Variants in COL4A6 observed in about 807,000 individuals in gnomAD.
The protein encoded by COL4A6 is collagen type IV alpha 6 chain.
COL4A6 carries 59 observed loss-of-function variants against 126.7 expected under a neutral mutation model. The observed-to-expected ratio is 0.47, with a 90% CI of 0.38 to 0.58. The LOEUF (loss-of-function observed/expected upper bound fraction) is 0.58. Among genes scored for constraint, COL4A6 ranks in the 20% least tolerant of loss-of-function variants. COL4A6 has a pLI of 0.00. For missense variants in COL4A6, 1,285 were observed against 1,337.3 expected, an observed-to-expected ratio of 0.96 and a Z score of 0.61; for synonymous variants, 547 against 496.6, an observed-to-expected ratio of 1.10 and a Z score of -1.35.
At chrX:108,264,651 G>T (rs959167677) in intron 3 of COL4A6, among the ~76,000 whole-genome samples, 3 of 111,550 alleles carry the variant, frequency 2.7e-5, no homozygotes, top group Admixed American at 9.5e-5. Context: ...AAAGAACATG[G>T]TTTTTTTCTT....
chrX:108,276,825 T>C (rs1010715487), intron 3 of COL4A6, among the ~76,000 whole-genome samples: 5 of 112,072 alleles, frequency 4.5e-5, no homozygotes, highest in Non-Finnish European at 7.5e-5. Flanking sequence ...AGAATCAGGA[T>C]ACTGAGGATT....
At chrX:108,221,433 A>C in intron 3 of COL4A6, 59 bp from the exon 4 acceptor site, 66 of 1,132,541 alleles carry the variant, frequency 5.8e-5, no homozygotes, top group Non-Finnish European at 7.5e-5. Flanking sequence ...AATACTTCTC[A>C]TTTTCCCACG....
In COL4A6 at chrX:108,377,941, C is replaced by CAA. The variant is rs745969449; in HGVS notation, c.63+59999_63+60000dup. Among the ~76,000 whole-genome samples the CAA allele has an allele frequency of 6.9e-3, 50 of 7,242 alleles. 12 individuals are homozygous for CAA. Among genetic ancestry groups the CAA allele is most frequent in the Admixed American group, 6.0e-3 (3 of 496 alleles). 6.3% of individuals were successfully genotyped at this position (7,242 alleles called of 115,157 possible). A position where few individuals can be genotyped will look rare whatever the true frequency, so the allele number is the denominator to read the frequency against. ...TGGGCGACAGAGCAAGACTCCGTCT[C>CAA]AAAAAAAAAAAAAAAAAAAAAAAAA... On this transcript the variant is annotated intron_variant, in intron 2 of 44. Coordinates refer to ENST00000334504, the MANE Select transcript of COL4A6 (RefSeq NM_033641.4).
intron 42 of COL4A6, 34 bp downstream of exon 42, chrX:108,161,585 G>GT (rs1569321734): frequency 4.1e-6 from 1 of 241,532 alleles, no homozygotes; most frequent in Admixed American, 5.8e-5. Flanking sequence ...CACCATCCCC[G>GT]CCCCGCCCGC....
chrX:108,172,479 T>C lies in COL4A6; in HGVS notation c.3192A>G (p.Pro1064=), dbSNP rs149715446. The stretch of plus-strand genomic sequence containing the variant: ...AAAAATGCTCCTTACCTTTCAGGCC[T>C]GGGAGACCAGATGCTCCTGGGAGTC... ...SPGLPGASGL[P]GLKGDNGQTV... Residue 1064 remains proline, a synonymous_variant, in exon 32 of 45, where the codon CCA becomes CCG. Transcript: ENST00000334504. The C allele has an allele frequency of 4.2e-4, 501 of 1,198,603 alleles. No individual in the cohort carries two copies. The African/African-American group carries it at 4.4e-3, about 10-fold the overall frequency.
At chrX:108,248,684 A>G (rs775089445) in intron 3 of COL4A6, among the ~76,000 whole-genome samples, 35 of 111,123 alleles carry the variant, frequency 3.1e-4, no homozygotes, top group Non-Finnish European at 9.4e-5. Flanking sequence ...AAGCTCATTA[A>G]AAGAAGACAT....
chrX:108,238,297 G>A (rs1289051384), intron 3 of COL4A6, among the ~76,000 whole-genome samples: 12 of 108,846 alleles, frequency 1.1e-4, no homozygotes, highest in African/African-American at 3.7e-4. Context: ...GTAGAGATGG[G>A]GGGGTTTCAC....
intron 2 of COL4A6, among the ~76,000 whole-genome samples, chrX:108,348,527 T>C (rs1341535555): frequency 8.9e-6 from 1 of 112,404 alleles, no homozygotes; most frequent in Admixed American, 9.4e-5. Context: ...ATATGTGTTC[T>C]TTGGGTCATT....
At chrX:108,383,574 C>G (rs943292310) in intron 2 of COL4A6, 1 of 477,789 alleles carries the variant, frequency 2.1e-6, no homozygotes, top group Non-Finnish European at 3.7e-6. Flanking sequence ...GCAACGAATG[C>G]GAGGCGAATA....
chrX:108,211,905 G>A (rs771753753), intron 6 of COL4A6, among the ~76,000 whole-genome samples, 165 bp from the exon 7 acceptor site: 21 of 112,057 alleles, frequency 1.9e-4, no homozygotes, highest in Admixed American at 1.0e-3. Flanking sequence ...CCTTGACCGG[G>A]TGCTCTGATT....
chrX:108,212,573 A>G (rs2035742957), intron 6 of COL4A6, among the ~76,000 whole-genome samples: 1 of 111,918 alleles, frequency 8.9e-6, no homozygotes, highest in Non-Finnish European at 1.9e-5. Context: ...TGAAGCATTT[A>G]TTGAATGATT....
At chrX:108,313,243 C>T (rs749536658) in intron 2 of COL4A6, among the ~76,000 whole-genome samples, 31 of 111,382 alleles carry the variant, frequency 2.8e-4, no homozygotes, top group Admixed American at 2.4e-3. Flanking sequence ...GGACACTCCA[C>T]CCCCTGCTTG....
intron 23 of COL4A6, among the ~76,000 whole-genome samples, chrX:108,181,234 T>G (rs1004804117): frequency 1.1e-4 from 12 of 112,443 alleles, no homozygotes; most frequent in African/African-American, 3.9e-4. Context: ...AACAGTCACC[T>G]ATGCAGCAGA....
intron 2 of COL4A6, among the ~76,000 whole-genome samples, chrX:108,343,533 TG>T (rs1178133791): frequency 9.1e-6 from 1 of 110,473 alleles, no homozygotes; most frequent in Non-Finnish European, 1.9e-5. Flanking sequence ...CATAGAGGCA[TG>T]TAAGTTTGGA....
intron 3 of COL4A6, among the ~76,000 whole-genome samples, chrX:108,303,102 T>G (rs1402231087): frequency 9.2e-6 from 1 of 108,649 alleles, no homozygotes; most frequent in African/African-American, 3.4e-5. Context: ...TCCTCCCTGC[T>G]ATCCTGCTGC....
intron 2 of COL4A6, among the ~76,000 whole-genome samples, chrX:108,369,139 C>T (rs763657218): frequency 9.0e-6 from 1 of 111,418 alleles, no homozygotes; most frequent in African/African-American, 3.3e-5. Context: ...TTTGTTTACA[C>T]CAACATCATG....
intron 23 of COL4A6, among the ~76,000 whole-genome samples, chrX:108,184,575 C>T (rs1443145472): frequency 8.9e-6 from 1 of 112,283 alleles, no homozygotes; most frequent in Non-Finnish European, 1.9e-5. Flanking sequence ...CTGCTTTCCA[C>T]AATGAGTTGA....
At chrX:108,256,494 G>A (rs1343525743) in intron 3 of COL4A6, among the ~76,000 whole-genome samples, 1 of 111,426 alleles carries the variant, frequency 9.0e-6, no homozygotes, top group Non-Finnish European at 1.9e-5. Flanking sequence ...CTATTTTATA[G>A]ATGAGGCAAC....
At chrX:108,171,077 C>A (rs1396554184) in intron 33 of COL4A6, among the ~76,000 whole-genome samples, 160 bp from the exon 34 acceptor site, 2 of 112,431 alleles carry the variant, frequency 1.8e-5, no homozygotes, top group Non-Finnish European at 3.8e-5. Flanking sequence ...AGGTGCCCTA[C>A]AATTGAGAAG....
Sources: gnomAD v4.1 joint callset for allele counts (sites outside exome capture counted in the v4.1 genomes callset) on GRCh38, gnomAD v4.1.1 for gene constraint, MANE v1.5 for transcripts, NCBI Gene and HGNC (gene_info 2026-07-23, HGNC 2026-07-21) for gene names.